The following OTC variants were observed in gnomAD, a reference collection of about 807,000 sequenced individuals.
OTC encodes ornithine transcarbamylase.
A neutral mutation model predicts 30.3 loss-of-function variants in OTC; 3 were observed. The observed-to-expected ratio is 0.10, with a 90% CI of 0.05 to 0.26. OTC has a LOEUF of 0.26. Among genes scored for constraint, OTC ranks in the 10% least tolerant of loss-of-function variants. The pLI, the probability that OTC is intolerant of heterozygous loss-of-function variation, is 1.00. For synonymous variants in OTC, 111 were observed against 99.7 expected, an observed-to-expected ratio of 1.11 and a Z score of -0.67; for missense variants, 194 against 260.3, an observed-to-expected ratio of 0.75 and a Z score of 1.75.
At chrX:38,382,615 T>G (rs752573065) in intron 4 of OTC, among the ~76,000 whole-genome samples, 17 of 112,376 alleles carry the variant, frequency 1.5e-4, no homozygotes, top group Admixed American at 1.3e-3. Flanking sequence ...GAACATAAAT[T>G]TTTTCTTCCA....
the OTC span, among the ~76,000 whole-genome samples, chrX:38,335,136 A>G: frequency 3.6e-5 from 4 of 111,991 alleles, no homozygotes; most frequent in Non-Finnish European, 7.5e-5. Context: ...CCTAGGGGAC[A>G]TGCACCCCAG....
chrX:38,349,720 A>G (rs1376344553), upstream of OTC, among the ~76,000 whole-genome samples: 1 of 112,461 alleles, frequency 8.9e-6, no homozygotes, highest in Non-Finnish European at 1.9e-5. Flanking sequence ...CCACCCACAC[A>G]AAGAGTGAGG....
chrX:38,419,109 G>A (rs1163206777), intron 9 of OTC, among the ~76,000 whole-genome samples: 3 of 111,820 alleles, frequency 2.7e-5, no homozygotes, highest in African/African-American at 9.7e-5. Flanking sequence ...TCCCCATTAT[G>A]TGTTCTTGGC....
At chrX:38,401,207 ATCT>A (rs1311901214) in intron 4 of OTC, 65 bp from the exon 5 acceptor site, 9 of 803,740 alleles carry the variant, frequency 1.1e-5, no homozygotes, top group Non-Finnish European at 1.7e-5. Context: ...ATTATTTCTG[ATCT>A]TATATTAAAT....
chrX:38,416,364 C>G (rs781782406), intron 9 of OTC, among the ~76,000 whole-genome samples: 11 of 111,409 alleles, frequency 9.9e-5, no homozygotes, highest in Non-Finnish European at 1.9e-4. Flanking sequence ...TTTTCCTCCC[C>G]ATGAAGCTTG....
rs187589907 is a variant in OTC, at chrX:38,353,567, A to T, written c.77+794A>T. On this transcript the variant is annotated intron_variant, in intron 1 of 9. Transcript: ENST00000039007. The stretch of plus-strand genomic sequence containing the variant: ...GCAACCTTCCCGACTTCCTTAAGGA[A>T]GAAGCTTTTGGTCTGAAGTTTTCTT... 4.5e-5 allele frequency among the ~76,000 whole-genome samples: 5 copies of T among 111,696 alleles called. No individual in the cohort carries two copies. The East Asian group carries it at 1.4e-3, about 31-fold the overall frequency.
At chrX:38,386,370 C>T (rs1360485629) in intron 4 of OTC, among the ~76,000 whole-genome samples, 1 of 36,196 alleles carries the variant, frequency 2.8e-5, no homozygotes, top group Non-Finnish European at 5.9e-5. Flanking sequence ...GAGACTCCAT[C>T]TCAAAAAAAA....
chrX:38,350,204 T>G (rs1395055350), upstream of OTC, among the ~76,000 whole-genome samples: 2 of 111,581 alleles, frequency 1.8e-5, no homozygotes, highest in African/African-American at 6.5e-5. Flanking sequence ...GTTAAGATGT[T>G]TGGGGTCAGA....
upstream of OTC, among the ~76,000 whole-genome samples, chrX:38,349,971 A>G (rs1488063932): frequency 1.8e-5 from 2 of 111,494 alleles, no homozygotes; most frequent in African/African-American, 6.5e-5. Flanking sequence ...TCCTTCCTTT[A>G]GGTCTACTCA....
chrX:38,356,644 G>A (rs969070090), intron 1 of OTC, among the ~76,000 whole-genome samples: 1 of 111,028 alleles, frequency 9.0e-6, no homozygotes, highest in Non-Finnish European at 1.9e-5. Flanking sequence ...GTGCAGGTGG[G>A]CATTATTCAG....
chrX:38,416,553 A>T (rs143212542), intron 9 of OTC, among the ~76,000 whole-genome samples: 2 of 112,046 alleles, frequency 1.8e-5, no homozygotes, highest in Non-Finnish European at 3.8e-5. Flanking sequence ...AGTCCAAAAC[A>T]CCATTGCAAA....
At chrX:38,368,001 A>T (rs746343324) in intron 2 of OTC, among the ~76,000 whole-genome samples, 194 of 111,270 alleles carry the variant, frequency 1.7e-3, no homozygotes, top group African/African-American at 6.0e-3. Flanking sequence ...CACAGGAGTG[A>T]GCCACCGTGC....
At chrX:38,391,100 C>T (rs1407069147) in intron 4 of OTC, among the ~76,000 whole-genome samples, 1 of 110,529 alleles carries the variant, frequency 9.0e-6, no homozygotes, top group African/African-American at 3.3e-5. Context: ...GGTCATTGAG[C>T]CCTGCATAAA....
intron 4 of OTC, among the ~76,000 whole-genome samples, chrX:38,385,277 T>TAAATA (rs1422444137): frequency 9.0e-6 from 1 of 111,711 alleles, no homozygotes; most frequent in African/African-American, 3.3e-5. Flanking sequence ...CTCAAATAAA[T>TAAATA]AAATAAAATA....
chrX:38,414,590 G>C (rs1002292791), intron 9 of OTC, among the ~76,000 whole-genome samples: 3 of 111,986 alleles, frequency 2.7e-5, no homozygotes, highest in Non-Finnish European at 5.6e-5. Context: ...CCATCTTAGC[G>C]TCTAAGTATT....
chrX:38,359,420 CTT>C (rs762895585), intron 1 of OTC, among the ~76,000 whole-genome samples: 1 of 102,211 alleles, frequency 9.8e-6, no homozygotes, highest in Admixed American at 1.1e-4. Context: ...TAAATTTTGT[CTT>C]TTTTTTTTTT....
intron 9 of OTC, among the ~76,000 whole-genome samples, chrX:38,413,645 G>T (rs1272190395): frequency 9.6e-6 from 1 of 103,975 alleles, no homozygotes; most frequent in African/African-American, 3.6e-5. Flanking sequence ...CTAAGATGGA[G>T]CTTGAGATTT....
intron 4 of OTC, among the ~76,000 whole-genome samples, chrX:38,396,751 C>T (rs1235722212): frequency 9.0e-6 from 1 of 110,559 alleles, no homozygotes; most frequent in Non-Finnish European, 1.9e-5. Context: ...CCAGCCTGGG[C>T]GACAGAGCGA....
intron 1 of OTC, among the ~76,000 whole-genome samples, chrX:38,358,284 C>T (rs1443817959): frequency 2.7e-5 from 3 of 110,357 alleles, no homozygotes; most frequent in African/African-American, 9.9e-5. Context: ...AAAAAGGAGG[C>T]CTGTGTCAGA....
Sources: gnomAD v4.1 joint callset for allele counts (sites outside exome capture counted in the v4.1 genomes callset) on GRCh38, gnomAD v4.1.1 for gene constraint, MANE v1.5 for transcripts, NCBI Gene and HGNC (gene_info 2026-07-23, HGNC 2026-07-21) for gene names.